The following DDX60 variants were observed in gnomAD, a reference collection of about 807,000 sequenced individuals.
DDX60 encodes the protein DExD/H-box helicase 60.
Under a neutral mutation model 212.8 loss-of-function variants are expected in DDX60, and 165 were observed. That is an observed-to-expected ratio of 0.78 (90% confidence interval 0.68 to 0.88). The LOEUF (loss-of-function observed/expected upper bound fraction) is 0.88. Ranked by LOEUF, DDX60 falls within the 40% of genes least tolerant of loss-of-function variation. DDX60 has a pLI of 0.00. For synonymous variants in DDX60, 703 were observed against 685.3 expected (o/e 1.03, Z -0.40); for missense variants, 1,905 against 2,003.9 (o/e 0.95, Z 0.94).
intron 3 of DDX60, among the ~76,000 whole-genome samples, chr4:168,309,467 T>C (rs1737036558): frequency 6.7e-6 from 1 of 148,886 alleles, no homozygotes; most frequent in Non-Finnish European, 1.5e-5. Context: ...AAGGCATTGT[T>C]GCAGCAGTCA....
intron 33 of DDX60, among the ~76,000 whole-genome samples, chr4:168,233,293 A>G (rs1478168964): frequency 6.6e-6 from 1 of 152,160 alleles, no homozygotes; most frequent in African/African-American, 2.4e-5. Flanking sequence ...CAGGGAAAAC[A>G]GTATGGAGAT....
chr4:168,297,297 C>CAAGAAA (rs1491399857), intron 6 of DDX60, among the ~76,000 whole-genome samples: 3 of 67,390 alleles, frequency 4.5e-5, no homozygotes, highest in Non-Finnish European at 8.6e-5. Flanking sequence ...GAGAGAGAGA[C>CAAGAAA]GAAAGAAAGA....
rs186532634 is a variant in DDX60, at chr4:168,271,962, G to T, written c.2670+81C>A. ...AATCTGAACTCCATCCAAGGGGATA[G>T]ATGTCCTGAAACACCAAATATCTTC... On this transcript the variant is annotated intron_variant, in intron 19 of 37. Coordinates refer to ENST00000393743, the MANE Select transcript of DDX60 (RefSeq NM_017631.6). The T allele has an allele frequency of 4.6e-5, 52 of 1,121,818 alleles. No homozygotes were observed. In the East Asian group the frequency reaches 1.3e-3, roughly 29 times the overall value. 69.5% of individuals were successfully genotyped at this position (1,121,818 alleles called of 1,614,324 possible).
intron 25 of DDX60, among the ~76,000 whole-genome samples, chr4:168,259,106 T>G (rs1032633557): frequency 1.3e-5 from 2 of 152,224 alleles, no homozygotes; most frequent in African/African-American, 4.8e-5. Flanking sequence ...TGGAGCCTTC[T>G]GCACCATATA....
In DDX60 at chr4:168,275,554, A is replaced by G. The variant is rs781656072; in HGVS notation, c.2146-51T>C. On this transcript the variant is annotated intron_variant, in intron 15 of 37. Transcript: ENST00000393743. ...GAAAATGACATTGAATTAGAATATC[A>G]TTTAAATAAGTAAAACATTTATTAC... The G allele has an allele frequency of 5.5e-6, 8 of 1,462,794 alleles. No individual in the cohort carries two copies. In the Admixed American group the frequency reaches 1.7e-4, roughly 30 times the overall value. The allele number at this position is 1,462,794 out of a possible 1,614,324, so 90.6% of individuals were successfully genotyped here.
rs752985713 is a variant in DDX60, at chr4:168,283,586, C to A, written c.1582G>T (p.Val528Phe). 1 of 1,602,314 alleles carries A rather than the reference C, an allele frequency of 6.2e-7. No homozygotes were observed. Among genetic ancestry groups the A allele is most frequent in the Non-Finnish European group, 8.5e-7 (1 of 1,175,572 alleles). Residue 528 changes from valine (V) to phenylalanine (F), a missense_variant, in exon 13 of 38, where the codon GTT (valine) becomes TTT (phenylalanine). Val to Phe is a conservative substitution (Grantham distance 50). Coordinates refer to ENST00000393743, the MANE Select transcript of DDX60 (RefSeq NM_017631.6). ...QFDEKSRDPR[V>F]LRSVQKYHVF... ...TGATACTTTTGCACAGATCTAAGAACACGAGGGTCTCTAGATTTTTCTGAA... is the reference window on the plus strand; with the variant it reads ...TGATACTTTTGCACAGATCTAAGAAAACGAGGGTCTCTAGATTTTTCTGAA...
Position 168,250,978 on chromosome 4 carries a change from G to C in DDX60, c.3834C>G (p.Ile1278Met). The C allele has an allele frequency of 1.9e-6, 3 of 1,603,318 alleles. No individual in the cohort carries two copies. The highest frequency in any genetic ancestry group is 2.6e-6 in the Non-Finnish European group (3 of 1,175,136). The change falls in exon 28 of 38, where the codon ATC (isoleucine) becomes ATG (methionine). Residue 1278 changes from isoleucine to methionine, a missense_variant. Ile to Met is a conservative substitution (Grantham distance 10, BLOSUM62 1). Coordinates refer to ENST00000393743, the MANE Select transcript of DDX60 (RefSeq NM_017631.6). ...MSFKEKQLVE[I>M]LFRKGYLRVV... is the part of the protein sequence containing the mutation. ...CCCTAAGATATCCTTTTCTAAAGAG[G>C]ATTTCAACTAATTGTTTTTCTTTGA...
At chr4:168,322,672 T>C (rs1331469923), upstream of DDX60, among the ~76,000 whole-genome samples, 1 of 152,180 alleles carries the variant, frequency 6.6e-6, no homozygotes, top group East Asian at 1.9e-4. Flanking sequence ...CTTCTCTCCA[T>C]TGGTGAGGGA....
chr4:168,290,652 G>A (rs527406485), intron 8 of DDX60, among the ~76,000 whole-genome samples: 13 of 151,924 alleles, frequency 8.6e-5, no homozygotes, highest in East Asian at 1.9e-4. Flanking sequence ...CACCGCGGCC[G>A]GCCTGTCTTC....
rs200182828 is a variant in DDX60 at position 168,237,287 on chromosome 4, T to C, written c.4410A>G (p.Lys1470=). The part of the protein sequence containing the change: ...LFHDLCQPTR[K]GSKHFSQDVM... ...ATATATATAAAATCTCAAGCTTACCTTTCCTGGTTGGCTGACAGAGATCAT... is the reference window on the plus strand; with the variant it reads ...ATATATATAAAATCTCAAGCTTACCCTTCCTGGTTGGCTGACAGAGATCAT... The change falls in exon 32 of 38, where the codon AAA becomes AAG. Residue 1470 remains lysine (K), a splice_region_variant and synonymous_variant. Coordinates refer to ENST00000393743, the MANE Select transcript of DDX60 (RefSeq NM_017631.6). 1.3e-5 allele frequency: 20 copies of C among 1,538,702 alleles called. No individual in the cohort carries two copies. The East Asian group carries it at 4.5e-4, about 35-fold the overall frequency.
At chr4:168,284,716 T>G (rs917913200) in intron 12 of DDX60, 104 bp downstream of exon 12, 5 of 543,522 alleles carry the variant, frequency 9.2e-6, no homozygotes, top group African/African-American at 1.9e-5. Context: ...ACTATTTTCA[T>G]TCAAAAAAAT....
chr4:168,322,920 T>C (rs1314742650), upstream of DDX60, among the ~76,000 whole-genome samples: 3 of 152,176 alleles, frequency 2.0e-5, no homozygotes, highest in South Asian at 2.1e-4. Context: ...GAGGATGTGA[T>C]TGTTTGATTG....
intron 35 of DDX60, 148 bp from the exon 36 acceptor site, chr4:168,222,029 T>C (rs987816765): frequency 1.1e-5 from 9 of 802,840 alleles, no homozygotes; most frequent in African/African-American, 6.9e-5. Context: ...TAGCCACACA[T>C]TGTGGTAGCA....
chr4:168,273,582 A>C (rs1414438202), intron 17 of DDX60, among the ~76,000 whole-genome samples, 184 bp from the exon 18 acceptor site: 1 of 152,230 alleles, frequency 6.6e-6, no homozygotes, highest in East Asian at 1.9e-4. Flanking sequence ...TCAGCACACA[A>C]ATCTCATTGA....
In DDX60 at chr4:168,255,877, T is replaced by C. The variant is rs7671839; in HGVS notation, c.3399-8A>G. 1.0e-3 allele frequency: 1,641 copies of C among 1,570,584 alleles called. 20 individuals are homozygous for C. The African/African-American group carries it at 0.02, about 19-fold the overall frequency. The stretch of plus-strand genomic sequence containing the variant: ...ACAGCTCCTAACTTGAATCTGGAAA[T>C]AAAAAGAATGTGCGCCTTGAAAATA... On this transcript the variant is annotated splice_region_variant and splice_polypyrimidine_tract_variant and intron_variant, in intron 25 of 37. Coordinates refer to ENST00000393743, the MANE Select transcript of DDX60 (RefSeq NM_017631.6).
At chr4:168,254,263 G>T (rs1456095482) in intron 26 of DDX60, among the ~76,000 whole-genome samples, 1 of 152,160 alleles carries the variant, frequency 6.6e-6, no homozygotes, top group Non-Finnish European at 1.5e-5. Flanking sequence ...AGATGGAAGA[G>T]GCCAGAGTGG....
At chr4:168,316,545 T>C (rs1737388236) in intron 1 of DDX60, among the ~76,000 whole-genome samples, 1 of 152,200 alleles carries the variant, frequency 6.6e-6, no homozygotes, top group Non-Finnish European at 1.5e-5. Context: ...TAATGGTTTA[T>C]GGAATCAAGA....
chr4:168,275,034 T>C (rs1284951049), intron 16 of DDX60, among the ~76,000 whole-genome samples: 1 of 152,328 alleles, frequency 6.6e-6, no homozygotes, highest in East Asian at 1.9e-4. Flanking sequence ...TATTTACATA[T>C]GAAATCCTAT....
At chr4:168,277,765 T>C (rs559909438) in intron 14 of DDX60, among the ~76,000 whole-genome samples, 3 of 137,856 alleles carry the variant, frequency 2.2e-5, no homozygotes, top group South Asian at 2.2e-4. Context: ...GCCGAGATAG[T>C]GCCACTGCAC....
Sources: gnomAD v4.1 joint callset for allele counts (sites outside exome capture counted in the v4.1 genomes callset) on GRCh38, gnomAD v4.1.1 for gene constraint, MANE v1.5 for transcripts, NCBI Gene and HGNC (gene_info 2026-07-23, HGNC 2026-07-21) for gene names.